Variants in DTNA observed in about 807,000 individuals in gnomAD.
DTNA encodes dystrophin-related protein 3.
In DTNA, 43 loss-of-function variants were observed where a neutral mutation model predicts 100.7. The observed-to-expected ratio is 0.43, with a 90% CI of 0.33 to 0.55. The LOEUF is 0.55. Among genes scored for constraint, DTNA ranks in the 20% least tolerant of loss-of-function variants. DTNA has a pLI of 0.04. For missense variants in DTNA, 798 were observed against 953.9 expected (o/e 0.84, Z 2.15); for synonymous variants, 349 against 347.9 (o/e 1.00, Z -0.04).
chr18:34,864,071 T>A lies in DTNA; in HGVS notation c.1743+9T>A, dbSNP rs762103805. 1.2e-6 allele frequency: 2 copies of A among 1,601,632 alleles called. No individual in the cohort carries two copies. The highest frequency in any genetic ancestry group is 2.2e-5 in the East Asian group (1 of 44,728). Reference sequence around the variant, plus strand: ...TCATGAAGCTACTAAAGGTAAGACCTGCCAGATAAATTTTCCTGAGCTTAT... The same window carrying A: ...TCATGAAGCTACTAAAGGTAAGACCAGCCAGATAAATTTTCCTGAGCTTAT... On this transcript the variant is annotated intron_variant, in intron 17 of 22. Coordinates refer to ENST00000444659, the MANE Select transcript of DTNA (RefSeq NM_001386795.1).
At chr18:34,535,447 G>A (rs1486552312) in intron 1 of DTNA, among the ~76,000 whole-genome samples, 1 of 152,008 alleles carries the variant, frequency 6.6e-6, no homozygotes, top group Non-Finnish European at 1.5e-5. Flanking sequence ...TAGGCTGCTT[G>A]TACCCTCTGA....
In DTNA at chr18:34,860,220, G is replaced by GA. The variant is rs2096603109; in HGVS notation, c.1646+1822_1646+1823insA. Among the ~76,000 whole-genome samples, 4 of 80,254 alleles carry GA rather than the reference G, an allele frequency of 5.0e-5. No individual in the cohort carries two copies. In the East Asian group the frequency reaches 1.4e-3, roughly 27 times the overall value. 52.6% of individuals were successfully genotyped at this position (80,254 alleles called of 152,430 possible). A position where few individuals can be genotyped will look rare whatever the true frequency, so the allele number is the denominator to read the frequency against. Reference sequence around the variant, plus strand: ...TGCCACCACGCCCGGCTAATTTTTTGTTTTTTTTTTTTTTTTTTTTTTTTT... The same window carrying GA: ...TGCCACCACGCCCGGCTAATTTTTTGATTTTTTTTTTTTTTTTTTTTTTTTT... On this transcript the variant is annotated intron_variant, in intron 16 of 22. Coordinates refer to ENST00000444659, the MANE Select transcript of DTNA (RefSeq NM_001386795.1).
intron 4 of DTNA, among the ~76,000 whole-genome samples, chr18:34,799,366 T>C (rs1259571453): frequency 2.6e-5 from 4 of 152,198 alleles, no homozygotes; most frequent in African/African-American, 9.7e-5. Context: ...CCAAAATCCT[T>C]CTGTCTTTCG....
rs150032675 is a variant in DTNA, at chr18:34,876,375, G to A, written c.1903+977G>A. Among the ~76,000 whole-genome samples the A allele has an allele frequency of 3.5e-4, 54 of 152,178 alleles. No homozygotes were observed. In the East Asian group the frequency reaches 6.8e-3, roughly 19 times the overall value. ...GTTAAAAGACAGAAAACAGTCTTGA[G>A]GAAACCATTTCCAGTATATGTGTCA... is the stretch of plus-strand genomic sequence containing the variant. On this transcript the variant is annotated intron_variant, in intron 18 of 22. Coordinates refer to ENST00000444659, the MANE Select transcript of DTNA (RefSeq NM_001386795.1).
intron 1 of DTNA, among the ~76,000 whole-genome samples, chr18:34,577,318 A>G (rs2048201877): frequency 6.6e-6 from 1 of 152,084 alleles, no homozygotes; most frequent in South Asian, 2.1e-4. Context: ...TATATCTTTT[A>G]CCATTTTTAA....
At chr18:34,635,964 A>C (rs578090747) in intron 1 of DTNA, among the ~76,000 whole-genome samples, 1 of 152,030 alleles carries the variant, frequency 6.6e-6, no homozygotes, top group South Asian at 2.1e-4. Flanking sequence ...TTTGTCTGTC[A>C]GTCTTCTTTC....
At chr18:34,628,880 G>A (rs1034283776) in intron 1 of DTNA, among the ~76,000 whole-genome samples, 10 of 152,016 alleles carry the variant, frequency 6.6e-5, no homozygotes, top group Non-Finnish European at 7.4e-5. Context: ...GCTATTCACA[G>A]TACAATGTTT....
At chr18:34,837,010 G>T (rs1290897827) in intron 11 of DTNA, among the ~76,000 whole-genome samples, 2 of 151,994 alleles carry the variant, frequency 1.3e-5, no homozygotes, top group African/African-American at 4.8e-5. Flanking sequence ...AAGTTTTTAA[G>T]ATTTTAACTA....
chr18:34,724,401 G>A (rs1568324692), intron 1 of DTNA, among the ~76,000 whole-genome samples: 1 of 152,172 alleles, frequency 6.6e-6, no homozygotes, highest in Non-Finnish European at 1.5e-5. Flanking sequence ...GTAGAAGTGA[G>A]AATTACTACA....
chr18:34,784,108 T>G (rs1221977675), intron 3 of DTNA, among the ~76,000 whole-genome samples: 3 of 152,172 alleles, frequency 2.0e-5, no homozygotes, highest in African/African-American at 7.2e-5. Flanking sequence ...GGATTCAAAC[T>G]CGATAGTTTG....
At chr18:34,758,798 G>A (rs2092950913) in intron 2 of DTNA, among the ~76,000 whole-genome samples, 1 of 152,186 alleles carries the variant, frequency 6.6e-6, no homozygotes. Flanking sequence ...CAAGGAAGAA[G>A]TCTATCTAAA....
intron 11 of DTNA, among the ~76,000 whole-genome samples, chr18:34,837,601 C>A (rs1191485764): frequency 6.6e-6 from 1 of 152,202 alleles, no homozygotes; most frequent in Non-Finnish European, 1.5e-5. Flanking sequence ...TGTAGCTCCA[C>A]AGCCAAGATC....
rs2096950533 is a variant in DTNA at position 34,889,377 on chromosome 18, A to T, written c.*1643A>T. On this transcript the variant is annotated 3_prime_UTR_variant, in exon 23 of 23. Coordinates refer to ENST00000444659, the MANE Select transcript of DTNA (RefSeq NM_001386795.1). ...TGGGTCCAGAAGTCTGTTTTAGTCA[A>T]CCCTCTAGGTGATTCTGATGCTCGC... The T allele has an allele frequency of 2.0e-6, 2 of 985,046 alleles. No individual in the cohort carries two copies. The highest frequency in any genetic ancestry group is 5.2e-4 in the Middle Eastern group (1 of 1,914). 61.0% of individuals were successfully genotyped at this position (985,046 alleles called of 1,614,324 possible). A position where few individuals can be genotyped will look rare whatever the true frequency, so the allele number is the denominator to read the frequency against.
At chr18:34,839,415 A>T (rs113590140) in intron 13 of DTNA, among the ~76,000 whole-genome samples, 1 of 152,218 alleles carries the variant, frequency 6.6e-6, no homozygotes, top group Non-Finnish European at 1.5e-5. Flanking sequence ...TTAGTTTCAG[A>T]TATGTTAAAT....
At chr18:34,698,679 G>C (rs2080945829) in intron 1 of DTNA, among the ~76,000 whole-genome samples, 1 of 152,176 alleles carries the variant, frequency 6.6e-6, no homozygotes. Flanking sequence ...GAGGAACAAG[G>C]AACAAAGCTG....
At chr18:34,699,423 C>T (rs1398887737) in intron 1 of DTNA, among the ~76,000 whole-genome samples, 1 of 152,182 alleles carries the variant, frequency 6.6e-6, no homozygotes, top group African/African-American at 2.4e-5. Context: ...GGATTAGGCC[C>T]ACTCACACTG....
chr18:34,660,566 C>T (rs964151139), intron 1 of DTNA, among the ~76,000 whole-genome samples: 5 of 152,026 alleles, frequency 3.3e-5, no homozygotes, highest in Non-Finnish European at 7.4e-5. Flanking sequence ...AGGTCTTTTT[C>T]CTGATCCAGG....
chr18:34,790,087 A>G (rs1602062718), intron 3 of DTNA, among the ~76,000 whole-genome samples: 1 of 152,204 alleles, frequency 6.6e-6, no homozygotes, highest in Non-Finnish European at 1.5e-5. Flanking sequence ...ATCCTTAGAA[A>G]ACCCTGTTTC....
chr18:34,599,571 A>G (rs1363931878), intron 1 of DTNA, among the ~76,000 whole-genome samples: 1 of 151,708 alleles, frequency 6.6e-6, no homozygotes, highest in Non-Finnish European at 1.5e-5. Flanking sequence ...AAAAGGGAAA[A>G]CAAAACCCTC....
Sources: allele counts gnomAD v4.1 joint callset (sites outside exome capture counted in the v4.1 genomes callset), GRCh38; gene constraint gnomAD v4.1.1; transcripts MANE v1.5; gene names NCBI Gene and HGNC (gene_info 2026-07-23, HGNC 2026-07-21).